The following FGF14 variants were observed in gnomAD, a reference collection of about 807,000 sequenced individuals.
FGF14 encodes fibroblast growth factor 14, also known as fibroblast growth factor homologous factor 4.
FGF14 carries 5 observed loss-of-function variants against 25.5 expected under a neutral mutation model. The observed-to-expected ratio is 0.20, with a 90% CI of 0.10 to 0.41. The LOEUF (loss-of-function observed/expected upper bound fraction) is 0.41, where lower values mean the gene tolerates loss of function less well. FGF14 is among the 10% of genes least tolerant of loss of function. The pLI, the probability that FGF14 is intolerant of heterozygous loss-of-function variation, is 1.00. For synonymous variants in FGF14, 138 were observed against 118.3 expected (o/e 1.17, Z -1.08); for missense variants, 222 against 320.1 (o/e 0.69, Z 2.34).
intron 1 of FGF14, among the ~76,000 whole-genome samples, chr13:102,379,790 TGAAAA>T (rs1336641701): frequency 8.5e-5 from 13 of 152,186 alleles, no homozygotes; most frequent in South Asian, 2.1e-4. Flanking sequence ...GCAATGTAAC[TGAAAA>T]GAAAATATTT....
rs1203556980 is a variant in FGF14 at position 101,852,279 on chromosome 13, A to G, written c.408+16446T>C. ...GGGTCTATGTACTTCAACTTTATTC[A>G]TATCATTGTAATCCTTCCAATAAGA... On this transcript the variant is annotated intron_variant, in intron 3 of 4. Transcript: ENST00000376143. 2.6e-5 allele frequency among the ~76,000 whole-genome samples: 4 copies of G among 152,102 alleles called. No individual in the cohort carries two copies. In the East Asian group the frequency reaches 5.8e-4, roughly 22 times the overall value.
rs1048870635 is a variant in FGF14 at position 102,123,329 on chromosome 13, G to T, written c.209-248033C>A. Among the ~76,000 whole-genome samples, 4 of 152,210 alleles carry T rather than the reference G, an allele frequency of 2.6e-5. No homozygotes were observed. In the East Asian group the frequency reaches 5.8e-4, roughly 22 times the overall value. On this transcript the variant is annotated intron_variant, in intron 1 of 4. Coordinates refer to the FGF14 transcript ENST00000376131. ...AGTAAAATTACAAAGATGGTAGAAAGAAGAATGCAAGGTTAATCAATAATT... is the reference window on the plus strand; with the variant it reads ...AGTAAAATTACAAAGATGGTAGAAATAAGAATGCAAGGTTAATCAATAATT...
intron 3 of FGF14, among the ~76,000 whole-genome samples, chr13:101,731,111 C>T (rs184295088): frequency 6.6e-6 from 1 of 152,116 alleles, no homozygotes; most frequent in Non-Finnish European, 1.5e-5. Context: ...CTCCAATGTA[C>T]AGCAGCAAGA....
intron 1 of FGF14, among the ~76,000 whole-genome samples, chr13:102,243,722 C>T (rs926805068): frequency 2.0e-5 from 3 of 149,320 alleles, no homozygotes; most frequent in Non-Finnish European, 3.0e-5. Flanking sequence ...GTATGACAAT[C>T]CACCACATGA....
At chr13:101,921,069 T>TA (rs869223116), upstream of FGF14, among the ~76,000 whole-genome samples, 100 of 63,472 alleles carry the variant, frequency 1.6e-3, no homozygotes, top group South Asian at 5.5e-3. Context: ...TCTTGATGAT[T>TA]AAAAAAAAAA....
At chr13:102,014,543 G>A (rs1236740234) in intron 1 of FGF14, among the ~76,000 whole-genome samples, 2 of 152,084 alleles carry the variant, frequency 1.3e-5, no homozygotes, top group Non-Finnish European at 2.9e-5. Flanking sequence ...CAATGCAGAG[G>A]AACCAATTAT....
chr13:101,912,511 T>C (rs1472407891), intron 1 of FGF14, among the ~76,000 whole-genome samples: 1 of 152,230 alleles, frequency 6.6e-6, no homozygotes, highest in African/African-American at 2.4e-5. Flanking sequence ...AGTCAGTGGC[T>C]ACTTTAGTTT....
chr13:101,786,544 G>C (rs990017269), intron 3 of FGF14, among the ~76,000 whole-genome samples: 2 of 151,964 alleles, frequency 1.3e-5, no homozygotes, highest in African/African-American at 4.8e-5. Flanking sequence ...CTTCTTCTTG[G>C]CCATCCTCCC....
intron 3 of FGF14, among the ~76,000 whole-genome samples, chr13:101,843,708 G>A (rs915893214): frequency 6.6e-6 from 1 of 151,942 alleles, no homozygotes; most frequent in Admixed American, 6.6e-5. Context: ...GCTTCAGGGG[G>A]ATCAGTGAAC....
chr13:101,746,063 T>A (rs2036868604), intron 3 of FGF14, among the ~76,000 whole-genome samples: 1 of 152,034 alleles, frequency 6.6e-6, no homozygotes. Flanking sequence ...TTAATATGTA[T>A]GGTATTTAGA....
At position 102,157,587 on chromosome 13, in the gene FGF14, C is replaced by T. The variant is rs530654712; in HGVS notation, c.208+243884G>A. 1.3e-4 allele frequency among the ~76,000 whole-genome samples: 20 copies of T among 152,288 alleles called. No individual in the cohort carries two copies. The East Asian group carries it at 3.7e-3, about 28-fold the overall frequency. ...AAAACCTAGGCAATACCATTCAGGA[C>T]ATAGGCATGGGCAAGGACTTCATGT... On this transcript the variant is annotated intron_variant, in intron 1 of 4. Transcript: ENST00000376131.
chr13:102,074,558 A>C (rs2043284395), intron 1 of FGF14, among the ~76,000 whole-genome samples: 1 of 152,216 alleles, frequency 6.6e-6, no homozygotes, highest in African/African-American at 2.4e-5. Flanking sequence ...AAAATATTGA[A>C]GTAAAGGGAA....
At chr13:101,971,804 G>T (rs991813887) in intron 1 of FGF14, among the ~76,000 whole-genome samples, 1 of 152,230 alleles carries the variant, frequency 6.6e-6, no homozygotes, top group Non-Finnish European at 1.5e-5. Flanking sequence ...AGTAAAACAC[G>T]AAAGTTATTT....
intron 3 of FGF14, among the ~76,000 whole-genome samples, chr13:101,848,478 C>T (rs750799726): frequency 3.9e-5 from 6 of 151,920 alleles, no homozygotes; most frequent in Non-Finnish European, 8.8e-5. Context: ...AAGGAGGAGG[C>T]AAAAGAAATG....
intron 3 of FGF14, among the ~76,000 whole-genome samples, chr13:101,786,308 T>C (rs1309850885): frequency 6.6e-6 from 1 of 152,198 alleles, no homozygotes; most frequent in Non-Finnish European, 1.5e-5. Context: ...ACTTAATTAT[T>C]TGCTTAGAGA....
intron 1 of FGF14, among the ~76,000 whole-genome samples, chr13:102,318,944 A>G (rs1309136681): frequency 6.6e-6 from 1 of 152,198 alleles, no homozygotes; most frequent in Admixed American, 6.5e-5. Context: ...TCTGAGTGCC[A>G]GTGAAGAAGT....
intron 1 of FGF14, among the ~76,000 whole-genome samples, chr13:102,041,239 C>T (rs918285024): frequency 4.0e-5 from 6 of 151,882 alleles, no homozygotes; most frequent in African/African-American, 1.5e-4. Flanking sequence ...AAAGAATGTG[C>T]ATCTCAATAT....
intron 1 of FGF14, among the ~76,000 whole-genome samples, chr13:102,240,677 A>G (rs2051553186): frequency 6.6e-6 from 1 of 152,166 alleles, no homozygotes; most frequent in Non-Finnish European, 1.5e-5. Flanking sequence ...ATAAATACCT[A>G]CCATTTAAAA....
At chr13:102,375,624 T>A (rs773281702) in intron 1 of FGF14, among the ~76,000 whole-genome samples, 1 of 152,178 alleles carries the variant, frequency 6.6e-6, no homozygotes, top group South Asian at 2.1e-4. Context: ...CAATTTTAAA[T>A]ATAAACTTTA....
Sources: gnomAD v4.1 joint callset for allele counts (sites outside exome capture counted in the v4.1 genomes callset) on GRCh38, gnomAD v4.1.1 for gene constraint, MANE v1.5 for transcripts, NCBI Gene and HGNC (gene_info 2026-07-23, HGNC 2026-07-21) for gene names.